The following DNAH1 variants were observed in gnomAD, a reference collection of about 807,000 sequenced individuals.
The protein encoded by DNAH1 is dynein axonemal heavy chain 1.
Under a neutral mutation model 484.3 loss-of-function variants are expected in DNAH1, and 327 were observed. The ratio of observed to expected loss-of-function variants is 0.68; its 90% confidence interval spans 0.62 to 0.74. The LOEUF is 0.74. Ranked by LOEUF, DNAH1 falls within the 30% of genes least tolerant of loss-of-function variation. DNAH1 has a pLI of 0.00. For synonymous variants in DNAH1, 2,192 were observed against 2,191.9 expected, an observed-to-expected ratio of 1.00 and a Z score of 0.00; for missense variants, 5,052 against 5,546.8, an observed-to-expected ratio of 0.91 and a Z score of 2.83.
chr3:52,356,717 G>T lies in DNAH1; in HGVS notation c.3797G>T (p.Arg1266Leu), dbSNP rs368357694. The change falls in exon 22 of 78, where the codon CGC becomes CTC. Residue 1266 changes from arginine (R) to leucine (L), a missense_variant. By Grantham distance (102) the Arg-to-Leu change is moderately radical. Around this residue, in one of 4 missense-constraint regions of DNAH1, gnomAD observed 2,929 missense variants for 3,409.4 expected, o/e 0.86. Coordinates refer to ENST00000420323, the MANE Select transcript of DNAH1 (RefSeq NM_015512.5). ...CAGCAGCTGCCTGTGGAGAGCAAGCGCTACCAGACCATGGAGCGGATCTGG... is the reference window on the plus strand; with the variant it reads ...CAGCAGCTGCCTGTGGAGAGCAAGCTCTACCAGACCATGGAGCGGATCTGG... Reference protein sequence around the residue: ...INQQLPVESKRYQTMERIWKK... With the variant: ...INQQLPVESKLYQTMERIWKK... 7 of 1,613,884 alleles carry T rather than the reference G, an allele frequency of 4.3e-6. No homozygotes were observed. Among genetic ancestry groups the T allele is most frequent in the East Asian group, 4.5e-5 (2 of 44,882 alleles).
intron 34 of DNAH1, among the ~76,000 whole-genome samples, chr3:52,365,312 T>G (rs1703029214): frequency 6.6e-6 from 1 of 152,196 alleles, no homozygotes; most frequent in Non-Finnish European, 1.5e-5. Context: ...CATCAGGGCC[T>G]GGCCCTCACT....
Position 52,397,836 on chromosome 3 carries a change from C to A in DNAH1, c.11917C>A (p.Gln3973Lys). 6.2e-7 allele frequency: 1 copy of A among 1,611,288 alleles called. No homozygotes were observed. Among genetic ancestry groups the A allele is most frequent in the South Asian group, 1.1e-5 (1 of 90,682 alleles). ...FALLGTIIQL[Q>K]PKSSSAGSQG... ...CCTCCTGGGCACCATCATCCAGCTG[C>A]AACCCAAATCATCTTCTGCAGGCAG... The change falls in exon 74 of 78, where the codon CAA (glutamine) becomes AAA (lysine). Residue 3973 changes from glutamine to lysine, a missense_variant. Gln to Lys is a moderately conservative substitution (Grantham distance 53). Around this residue, in one of 4 missense-constraint regions of DNAH1, gnomAD observed 853 missense variants for 899.0 expected, o/e 0.95. Coordinates refer to ENST00000420323, the MANE Select transcript of DNAH1 (RefSeq NM_015512.5).
chr3:52,323,608 G>A (rs1287826794), intron 2 of DNAH1, among the ~76,000 whole-genome samples, 200 bp from the exon 3 acceptor site: 1 of 152,184 alleles, frequency 6.6e-6, no homozygotes, highest in Non-Finnish European at 1.5e-5. Flanking sequence ...GGGCCAGGAA[G>A]TCCTGGGTAG....
At chr3:52,351,934 T>C in intron 16 of DNAH1, 28 bp from the exon 17 acceptor site, 1 of 1,591,392 alleles carries the variant, frequency 6.3e-7, no homozygotes. Context: ...GCGATATTTC[T>C]CCCAATCCCC....
Position 52,362,989 on chromosome 3 carries a change from T to C in DNAH1, c.5095-6T>C, listed in dbSNP as rs773027310. 6.2e-7 allele frequency: 1 copy of C among 1,613,820 alleles called. No individual in the cohort carries two copies. The highest frequency in any genetic ancestry group is 8.5e-7 in the Non-Finnish European group (1 of 1,179,808). Reference sequence around the variant, plus strand: ...TTGCTGTTCACATGTGCACTGTGTGTCCCAGGCGCTCTTCCGACCCGTGGC... The same window carrying C: ...TTGCTGTTCACATGTGCACTGTGTGCCCCAGGCGCTCTTCCGACCCGTGGC... On this transcript the variant is annotated splice_region_variant and splice_polypyrimidine_tract_variant and intron_variant, in intron 31 of 77. Coordinates refer to ENST00000420323, the MANE Select transcript of DNAH1 (RefSeq NM_015512.5). This position sits in a 1 kb window ranked among gnomAD's most constrained non-coding sequence, Gnocchi z 5.1.
chr3:52,361,081 G>A lies in DNAH1; in HGVS notation c.4686-83G>A. 1 of 1,292,618 alleles carries A rather than the reference G, an allele frequency of 7.7e-7. No individual in the cohort carries two copies. The highest frequency in any genetic ancestry group is 1.0e-6 in the Non-Finnish European group (1 of 993,086). The allele number at this position is 1,292,618 out of a possible 1,614,324, so 80.1% of individuals were successfully genotyped here. Reference sequence around the variant, plus strand: ...CCACCAAAAGGGGACGGGGCGAGAGGCCCCAGTCCACAGGAAATTCCAAGG... The same window carrying A: ...CCACCAAAAGGGGACGGGGCGAGAGACCCCAGTCCACAGGAAATTCCAAGG... On this transcript the variant is annotated intron_variant, in intron 28 of 77. Transcript: ENST00000420323. The surrounding 1 kb of genome is among the most constrained non-coding windows in gnomAD (Gnocchi z 5.6).
chr3:52,343,563 G>T (rs1702025654), intron 8 of DNAH1, among the ~76,000 whole-genome samples: 1 of 152,146 alleles, frequency 6.6e-6, no homozygotes, highest in Non-Finnish European at 1.5e-5. Context: ...TCTAGGCCAG[G>T]TTGAGGGTGT....
rs1171057622 is a variant in DNAH1 at position 52,332,165 on chromosome 3, C to T, written c.1057C>T (p.Gln353Ter). 1.3e-6 allele frequency: 2 copies of T among 1,570,902 alleles called. No individual in the cohort carries two copies. Among genetic ancestry groups the T allele is most frequent in the Non-Finnish European group, 1.7e-6 (2 of 1,157,442 alleles). The change falls in exon 8 of 78, where the codon CAG becomes TAG. Residue 353 changes from glutamine (Q) to a stop codon, truncating the protein, a stop_gained. Coordinates refer to ENST00000420323, the MANE Select transcript of DNAH1 (RefSeq NM_015512.5). LOFTEE classifies it high-confidence loss of function. ...TEGRPPLQVC[Q>*]YWVPRIQLLF... ...AGGAAGGCCACCCCTTCAGGTCTGT[C>T]AGTACTGGGTGCCACGGATCCAGCT...
At chr3:52,328,723 G>A (rs536330606) in intron 6 of DNAH1, among the ~76,000 whole-genome samples, 2 of 152,278 alleles carry the variant, frequency 1.3e-5, no homozygotes, top group Non-Finnish European at 2.9e-5. Context: ...AGCAGTGCCA[G>A]GTGGGCATCC....
intron 6 of DNAH1, among the ~76,000 whole-genome samples, chr3:52,328,299 T>C (rs1701424188): frequency 2.0e-5 from 3 of 152,202 alleles, no homozygotes. Flanking sequence ...ATTGGGAATA[T>C]TGAAACATGC....
chr3:52,383,284 G>A, intron 50 of DNAH1, 102 bp from the exon 51 acceptor site: 1 of 1,060,280 alleles, frequency 9.4e-7, no homozygotes, highest in Non-Finnish European at 1.4e-6. Context: ...AGCCTTAGTG[G>A]TACAGTCTGT....
chr3:52,349,961 C>T, intron 14 of DNAH1, 28 bp from the exon 15 acceptor site: 1 of 1,585,704 alleles, frequency 6.3e-7, no homozygotes, highest in South Asian at 1.2e-5. Flanking sequence ...AGCATGCTGC[C>T]CTCCCCAGCG....
chr3:52,385,015 C>A, intron 53 of DNAH1, 38 bp downstream of exon 53: 1 of 1,584,226 alleles, frequency 6.3e-7, no homozygotes, highest in Non-Finnish European at 8.6e-7. Context: ...AGGTCAGCTG[C>A]CTGCAGGCTG....
chr3:52,386,343 G>A lies in DNAH1; in HGVS notation c.8809G>A (p.Glu2937Lys). ...LRNLNKNDVT[E>K]VRAMQRPPPG... ...CAACCTCAACAAGAACGATGTGACC[G>A]AGGTGGGCAGCAGGGCATCTCCTGG... The change falls in exon 55 of 78, where the codon GAG (glutamate) becomes AAG (lysine). Residue 2937 changes from glutamate (E) to lysine (K), a missense_variant and splice_region_variant. Glu to Lys is a moderately conservative substitution (Grantham distance 56). Around this residue, in one of 4 missense-constraint regions of DNAH1, gnomAD observed 2,929 missense variants for 3,409.4 expected, o/e 0.86. Coordinates refer to ENST00000420323, the MANE Select transcript of DNAH1 (RefSeq NM_015512.5). 4 of 1,567,882 alleles carry A rather than the reference G, an allele frequency of 2.6e-6. No homozygotes were observed. The highest frequency in any genetic ancestry group is 3.5e-6 in the Non-Finnish European group (4 of 1,156,536).
At chr3:52,347,044 A>G (rs894119881) in intron 11 of DNAH1, among the ~76,000 whole-genome samples, 7 of 149,892 alleles carry the variant, frequency 4.7e-5, no homozygotes, top group African/African-American at 1.7e-4. Context: ...CTAGGGGAAC[A>G]AGAGAGGCCC....
At position 52,381,677 on chromosome 3, in the gene DNAH1, A is replaced by G. The variant is rs199694029; in HGVS notation, c.7646A>G (p.Asn2549Ser). Residue 2549 changes from asparagine to serine, a missense_variant, in exon 49 of 78, where the codon AAC (asparagine) becomes AGC (serine). Around this residue, in one of 4 missense-constraint regions of DNAH1, gnomAD observed 2,929 missense variants for 3,409.4 expected, o/e 0.86. Transcript: ENST00000420323. This position sits in a 1 kb window ranked among gnomAD's most constrained non-coding sequence, Gnocchi z 4.1. ...QVIEEYIEDY[N>S]QINTAKLKLV... is the part of the protein sequence containing the mutation. ...ATAGAGGAGTACATAGAGGACTACAACCAGATCAACACGGCCAAGCTGAAG... is the reference window on the plus strand; with the variant it reads ...ATAGAGGAGTACATAGAGGACTACAGCCAGATCAACACGGCCAAGCTGAAG... 913 of 1,608,758 alleles carry G rather than the reference A, an allele frequency of 5.7e-4. No homozygotes were observed. Among genetic ancestry groups the G allele is most frequent in the Non-Finnish European group, 7.6e-4 (890 of 1,177,988 alleles).
Position 52,366,784 on chromosome 3 carries a change from A to G in DNAH1, c.5662A>G (p.Ile1888Val). 6.2e-7 allele frequency: 1 copy of G among 1,613,766 alleles called. No homozygotes were observed. The highest frequency in any genetic ancestry group is 8.5e-7 in the Non-Finnish European group (1 of 1,179,792). The change falls in exon 36 of 78, where the codon ATC becomes GTC. Residue 1888 changes from isoleucine to valine, a missense_variant. Physicochemically the swap from Ile to Val is conservative, Grantham distance 29. This residue lies in a region of DNAH1 where 2,929 missense variants were observed against 3,409.4 expected (regional missense o/e 0.86). Coordinates refer to ENST00000420323, the MANE Select transcript of DNAH1 (RefSeq NM_015512.5). ...AMTSLKGQPS[I>V]SGGMYEAVNY... ...GACGTCACTGAAAGGGCAGCCATCCATCAGTGGTGGCATGTACGAGGCTGT... is the reference window on the plus strand; with the variant it reads ...GACGTCACTGAAAGGGCAGCCATCCGTCAGTGGTGGCATGTACGAGGCTGT...
chr3:52,367,620 G>T (rs1329594173), intron 36 of DNAH1, among the ~76,000 whole-genome samples: 2 of 151,844 alleles, frequency 1.3e-5, no homozygotes, highest in Non-Finnish European at 2.9e-5. Context: ...TGTTGCCCAG[G>T]CTGGAGTGCA....
intron 56 of DNAH1, among the ~76,000 whole-genome samples, chr3:52,387,929 G>A (rs1014686045): frequency 9.2e-5 from 14 of 152,160 alleles, no homozygotes; most frequent in Non-Finnish European, 1.6e-4. Flanking sequence ...TCTTGAGACT[G>A]CCGCAGTGTC....
Sources: allele counts gnomAD v4.1 joint callset (sites outside exome capture counted in the v4.1 genomes callset), GRCh38; gene constraint gnomAD v4.1.1; regional missense constraint gnomAD v4.1.1; non-coding constraint Gnocchi (gnomAD v3.1); transcripts MANE v1.5; gene names NCBI Gene and HGNC (gene_info 2026-07-23, HGNC 2026-07-21).